The following PRKN variants were observed in gnomAD, a reference collection of about 807,000 sequenced individuals.
PRKN encodes E3 ubiquitin-protein ligase parkin.
A neutral mutation model predicts 59.5 loss-of-function variants in PRKN; 56 were observed. The observed-to-expected ratio is 0.94, with a 90% CI of 0.76 to 1.18. The LOEUF (loss-of-function observed/expected upper bound fraction) is 1.18, where lower values mean the gene tolerates loss of function less well. Ranked by LOEUF, PRKN falls within the 50% of genes most tolerant of loss-of-function variation. PRKN has a pLI of 0.00. For missense variants in PRKN, 657 were observed against 596.4 expected (o/e 1.10, Z -1.06); for synonymous variants, 250 against 222.1 (o/e 1.13, Z -1.12).
intron 2 of PRKN, among the ~76,000 whole-genome samples, chr6:162,329,836 A>G (rs916801635): frequency 6.6e-6 from 1 of 152,210 alleles, no homozygotes; most frequent in African/African-American, 2.4e-5. Flanking sequence ...ATCTATGTCA[A>G]TATAGCCAAG....
chr6:162,436,194 AAAAAAAAAAAT>A (rs1247729378), intron 2 of PRKN, among the ~76,000 whole-genome samples: 2 of 142,298 alleles, frequency 1.4e-5, no homozygotes, highest in African/African-American at 5.5e-5. Context: ...AAAAAAAAAA[AAAAAAAAAAAT>A]TTGAATAAAT....
chr6:162,551,098 C>T (rs1009194414), intron 1 of PRKN, among the ~76,000 whole-genome samples: 10 of 152,092 alleles, frequency 6.6e-5, no homozygotes, highest in African/African-American at 2.4e-4. Flanking sequence ...AATAGGCCTT[C>T]GTGAATATTC....
chr6:162,523,978 A>C (rs910078443), intron 1 of PRKN, among the ~76,000 whole-genome samples: 5 of 152,198 alleles, frequency 3.3e-5, no homozygotes, highest in Non-Finnish European at 7.3e-5. Context: ...CAAATCCAGA[A>C]TACGGGCTTT....
rs562498531 is a variant in PRKN at position 161,530,672 on chromosome 6, C to T, written c.1083+18182G>A. On this transcript the variant is annotated intron_variant, in intron 9 of 11. Coordinates refer to ENST00000366898, the MANE Select transcript of PRKN (RefSeq NM_004562.3). The surrounding 1 kb of genome is among the most constrained non-coding windows in gnomAD (Gnocchi z 5.0). ...CTGGGATTACAGGCATTTACCACCACGCCTGGCTAATTTTTTTCTATTTTT... is the reference window on the plus strand; with the variant it reads ...CTGGGATTACAGGCATTTACCACCATGCCTGGCTAATTTTTTTCTATTTTT... Among the ~76,000 whole-genome samples the T allele has an allele frequency of 1.3e-5, 2 of 151,986 alleles. No individual in the cohort carries two copies. The highest frequency in any genetic ancestry group is 6.6e-5 in the Admixed American group (1 of 15,266).
At chr6:161,879,667 T>C (rs1794860647) in intron 6 of PRKN, among the ~76,000 whole-genome samples, 1 of 152,114 alleles carries the variant, frequency 6.6e-6, no homozygotes, top group Admixed American at 6.5e-5. Context: ...TTCTATGAAA[T>C]TGAAGGGAGT....
intron 5 of PRKN, among the ~76,000 whole-genome samples, chr6:162,003,847 T>C (rs1782152350): frequency 6.6e-6 from 1 of 152,158 alleles, no homozygotes; most frequent in South Asian, 2.1e-4. Context: ...GTTTAAATCT[T>C]CCATATCCTT....
At chr6:161,634,793 G>C (rs1258274015) in intron 7 of PRKN, among the ~76,000 whole-genome samples, 1 of 152,192 alleles carries the variant, frequency 6.6e-6, no homozygotes, top group East Asian at 1.9e-4. Flanking sequence ...ACTCAAAAAA[G>C]TCCAACTAAT....
intron 9 of PRKN, among the ~76,000 whole-genome samples, chr6:161,408,403 G>A (rs953817463): frequency 4.7e-5 from 7 of 149,212 alleles, no homozygotes; most frequent in African/African-American, 7.4e-5. Context: ...CATGTAAAAC[G>A]TATCTAGAAA....
chr6:161,548,722 T>C lies in PRKN; in HGVS notation c.1083+132A>G. ...CTATAAAGGAATTTAAAATCTATTT[T>C]CTTATATGTAAGTTCAAAGATGTCT... On this transcript the variant is annotated intron_variant, in intron 9 of 11. Coordinates refer to ENST00000366898, the MANE Select transcript of PRKN (RefSeq NM_004562.3). The surrounding 1 kb of genome is among the most constrained non-coding windows in gnomAD (Gnocchi z 4.2). 1.2e-6 allele frequency: 1 copy of C among 827,576 alleles called. No individual in the cohort carries two copies. The highest frequency in any genetic ancestry group is 2.0e-6 in the Non-Finnish European group (1 of 509,564). The allele number at this position is 827,576 out of a possible 1,614,324, so 51.3% of individuals were successfully genotyped here.
At chr6:162,208,370 T>TC (rs1468235812) in intron 3 of PRKN, among the ~76,000 whole-genome samples, 1 of 152,178 alleles carries the variant, frequency 6.6e-6, no homozygotes, top group East Asian at 1.9e-4. Flanking sequence ...TGCTTAGCAA[T>TC]CTCTAAGGAG....
chr6:161,589,744 C>T lies in PRKN; in HGVS notation c.872-20328G>A, dbSNP rs117918547. The stretch of plus-strand genomic sequence containing the variant: ...GTGCACATGTTTTTTGTTGAATTTC[C>T]TTTAAAATACAATGAATTGAAAAGG... On this transcript the variant is annotated intron_variant, in intron 7 of 11. Coordinates refer to ENST00000366898, the MANE Select transcript of PRKN (RefSeq NM_004562.3). Among the ~76,000 whole-genome samples, 4 of 150,022 alleles carry T rather than the reference C, an allele frequency of 2.7e-5. No individual in the cohort carries two copies. The East Asian group carries it at 5.9e-4, about 22-fold the overall frequency.
chr6:162,139,128 A>G (rs951615777), intron 4 of PRKN, among the ~76,000 whole-genome samples: 1 of 152,194 alleles, frequency 6.6e-6, no homozygotes, highest in African/African-American at 2.4e-5. Context: ...TCAATTTGAC[A>G]CAATACTGAA....
intron 9 of PRKN, among the ~76,000 whole-genome samples, chr6:161,507,478 A>G (rs1169673200): frequency 6.6e-6 from 1 of 152,128 alleles, no homozygotes; most frequent in Non-Finnish European, 1.5e-5. Context: ...GAAGGTGGCT[A>G]TGGGGTGGGG....
At chr6:161,622,440 G>C (rs561772821) in intron 7 of PRKN, among the ~76,000 whole-genome samples, 1 of 152,012 alleles carries the variant, frequency 6.6e-6, no homozygotes, top group Non-Finnish European at 1.5e-5. Flanking sequence ...TGGGAGCTGT[G>C]CCCAGGCATT....
chr6:162,126,061 T>C (rs1781113573), intron 4 of PRKN, among the ~76,000 whole-genome samples: 1 of 152,192 alleles, frequency 6.6e-6, no homozygotes, highest in African/African-American at 2.4e-5. Context: ...CCATATATGA[T>C]ACATGGTTGC....
At chr6:162,442,628 C>G (rs1447288690) in intron 2 of PRKN, among the ~76,000 whole-genome samples, 2 of 152,144 alleles carry the variant, frequency 1.3e-5, no homozygotes, top group East Asian at 3.9e-4. Flanking sequence ...GCCAGAAGCT[C>G]TGCTGGGGCC....
intron 4 of PRKN, among the ~76,000 whole-genome samples, chr6:162,115,764 G>A (rs531226743): frequency 4.6e-5 from 7 of 152,174 alleles, no homozygotes; most frequent in South Asian, 4.1e-4. Flanking sequence ...AGATAAAAGC[G>A]GATGTCTGAA....
intron 3 of PRKN, among the ~76,000 whole-genome samples, chr6:162,247,160 C>T (rs1200296344): frequency 6.6e-6 from 1 of 152,088 alleles, no homozygotes; most frequent in African/African-American, 2.4e-5. Flanking sequence ...CACAGCTCTC[C>T]TATTATGACT....
chr6:162,562,929 GTGGCCACAGGGGTGCT>G (rs1779902086), intron 1 of PRKN, among the ~76,000 whole-genome samples: 1 of 152,186 alleles, frequency 6.6e-6, no homozygotes, highest in Admixed American at 6.5e-5. Flanking sequence ...CATAGTGGTG[GTGGCCACAGGGGTGCT>G]TGTGTCACTC....
Sources: allele counts gnomAD v4.1 joint callset (sites outside exome capture counted in the v4.1 genomes callset), GRCh38; gene constraint gnomAD v4.1.1; non-coding constraint Gnocchi (gnomAD v3.1); transcripts MANE v1.5; gene names NCBI Gene and HGNC (gene_info 2026-07-23, HGNC 2026-07-21).